Variants in RCC2 observed in about 807,000 individuals in gnomAD.
The protein encoded by RCC2 is protein RCC2.
A neutral mutation model predicts 64.1 loss-of-function variants in RCC2; 19 were observed. The observed-to-expected ratio is 0.30, with a 90% CI of 0.21 to 0.44. The LOEUF is 0.44. RCC2 is among the 20% of genes least tolerant of loss of function. The pLI, the probability that RCC2 is intolerant of heterozygous loss-of-function variation, is 1.00. For synonymous variants in RCC2, 325 were observed against 279.6 expected, an observed-to-expected ratio of 1.16 and a Z score of -1.62; for missense variants, 508 against 710.4, an observed-to-expected ratio of 0.72 and a Z score of 3.24.
At chr1:17,409,826 C>G (rs1048518078) in intron 12 of RCC2, 148 bp downstream of exon 12, 1 of 722,064 alleles carries the variant, frequency 1.4e-6, no homozygotes, top group African/African-American at 1.7e-5. Context: ...TGTTACCTCT[C>G]AAACAAATCT....
chr1:17,425,727 G>A lies in RCC2; in HGVS notation c.380-43C>T, dbSNP rs1023059586. ...ATGCAGATCAGACACCTGGGGTGGTGGGGTGACCTCCAAAATGTCACTGGC... is the reference window on the plus strand; with the variant it reads ...ATGCAGATCAGACACCTGGGGTGGTAGGGTGACCTCCAAAATGTCACTGGC... On this transcript the variant is annotated intron_variant, in intron 3 of 12. Coordinates refer to ENST00000375436, the MANE Select transcript of RCC2 (RefSeq NM_018715.4). 3 of 1,566,334 alleles carry A rather than the reference G, an allele frequency of 1.9e-6. No individual in the cohort carries two copies. The South Asian group carries it at 3.4e-5, about 18-fold the overall frequency.
intron 2 of RCC2, among the ~76,000 whole-genome samples, chr1:17,429,777 G>A (rs1191675555): frequency 1.3e-5 from 2 of 152,168 alleles, no homozygotes; most frequent in Non-Finnish European, 2.9e-5. Flanking sequence ...GTCTGAATCA[G>A]GCGGCCTTTG....
At chr1:17,413,439 G>A in intron 9 of RCC2, 98 bp downstream of exon 9, 2 of 1,234,132 alleles carry the variant, frequency 1.6e-6, no homozygotes, top group Non-Finnish European at 2.3e-6. Context: ...AGAACACTGG[G>A]AGGTAAAGAG....
At chr1:17,415,712 A>AT (rs1491341870) in intron 8 of RCC2, among the ~76,000 whole-genome samples, 1 of 150,312 alleles carries the variant, frequency 6.7e-6, no homozygotes, top group Non-Finnish European at 1.5e-5. Flanking sequence ...TCCGCCTCAA[A>AT]TAAAAAAAAA....
At chr1:17,434,589 G>T (rs2075716676) in intron 2 of RCC2, among the ~76,000 whole-genome samples, 1 of 152,186 alleles carries the variant, frequency 6.6e-6, no homozygotes, top group Non-Finnish European at 1.5e-5. Context: ...GGGGTCATGA[G>T]AACCCCAACT....
chr1:17,420,133 G>A (rs553022936), intron 7 of RCC2, among the ~76,000 whole-genome samples: 39 of 152,290 alleles, frequency 2.6e-4, no homozygotes, highest in Non-Finnish European at 4.3e-4. Context: ...AGGGTCCGAT[G>A]GGAAGGAGAA....
chr1:17,420,009 G>C (rs1278296287), intron 7 of RCC2, among the ~76,000 whole-genome samples: 1 of 152,340 alleles, frequency 6.6e-6, no homozygotes, highest in African/African-American at 2.4e-5. Flanking sequence ...GCGGCTGCAG[G>C]AGCGCGCGCG....
intron 6 of RCC2, among the ~76,000 whole-genome samples, chr1:17,421,083 A>AGT (rs1163132508): frequency 6.6e-6 from 1 of 152,054 alleles, no homozygotes; most frequent in East Asian, 1.9e-4. Context: ...GATCAATAAA[A>AGT]CCAAGTCCCT....
intron 11 of RCC2, among the ~76,000 whole-genome samples, chr1:17,411,776 G>C (rs1052508568): frequency 2.0e-5 from 3 of 152,156 alleles, no homozygotes; most frequent in Non-Finnish European, 2.9e-5. Context: ...ACCCACAACT[G>C]TGAGTTTCCC....
chr1:17,419,856 C>CGAAATGT (rs754880332), intron 7 of RCC2, among the ~76,000 whole-genome samples: 2 of 152,196 alleles, frequency 1.3e-5, no homozygotes, highest in Admixed American at 6.5e-5. Flanking sequence ...GCAACCAACG[C>CGAAATGT]GAAATGTGAA....
intron 7 of RCC2, among the ~76,000 whole-genome samples, chr1:17,418,253 C>T (rs980815404): frequency 9.6e-5 from 14 of 146,546 alleles, no homozygotes; most frequent in Non-Finnish European, 3.0e-5. Context: ...CTCGCTCTGT[C>T]GCCCAGGCTG....
chr1:17,414,614 C>T (rs2075463004), intron 8 of RCC2, among the ~76,000 whole-genome samples: 1 of 151,682 alleles, frequency 6.6e-6, no homozygotes, highest in African/African-American at 2.4e-5. Flanking sequence ...AAAAGGCCTA[C>T]CTGTTCCTGG....
At chr1:17,417,431 G>A (rs2075500029) in intron 7 of RCC2, among the ~76,000 whole-genome samples, 1 of 152,242 alleles carries the variant, frequency 6.6e-6, no homozygotes, top group Non-Finnish European at 1.5e-5. Context: ...ACGTTGGGAG[G>A]CCGAAGTGGG....
intron 1 of RCC2, among the ~76,000 whole-genome samples, chr1:17,439,262 C>G (rs1187643004): frequency 6.6e-6 from 1 of 151,290 alleles, no homozygotes; most frequent in Non-Finnish European, 1.5e-5. Flanking sequence ...CGGCCGGTCT[C>G]CGATTCGACT....
Position 17,422,287 on chromosome 1 carries a change from C to T in RCC2, c.660G>A (p.Thr220=), listed in dbSNP as rs144828726. Reference sequence around the variant, plus strand: ...TTTCCCCAAACGCAAACACGGAGCCCGTTTCTGGAAGAAAGGAAAAATATC... The same window carrying T: ...TTTCCCCAAACGCAAACACGGAGCCTGTTTCTGGAAGAAAGGAAAAATATC... ...GRNHTLALTE[T]GSVFAFGENK... is the part of the protein sequence containing the mutation. The change falls in exon 6 of 13, where the codon ACG becomes ACA. Residue 220 remains threonine (T), a synonymous_variant. Coordinates refer to ENST00000375436, the MANE Select transcript of RCC2 (RefSeq NM_018715.4). The T allele has an allele frequency of 3.4e-4, 553 of 1,610,916 alleles. 1 individual carries two copies. Among genetic ancestry groups the T allele is most frequent in the Admixed American group, 3.3e-4 (20 of 59,898 alleles).
chr1:17,413,326 T>C, intron 9 of RCC2, 148 bp from the exon 10 acceptor site: 2 of 819,556 alleles, frequency 2.4e-6, no homozygotes, highest in Non-Finnish European at 4.0e-6. Flanking sequence ...GGCGTGCCTG[T>C]GCAGTCCTAG....
Position 17,407,232 on chromosome 1 carries a change from A to G in RCC2, c.*1858T>C, listed in dbSNP as rs761026901. The G allele has an allele frequency of 6.6e-6, 1 of 151,892 alleles. No homozygotes were observed. The highest frequency in any genetic ancestry group is 1.5e-5 in the Non-Finnish European group (1 of 67,972). The allele number at this position is 151,892 out of a possible 1,614,324, so 9.4% of individuals were successfully genotyped here. ...AGCTAAGCCCAGGGAGGCTCCTGCA[A>G]AGGCTGGGACCTCGGGTGCTGCGTC... On this transcript the variant is annotated 3_prime_UTR_variant, in exon 13 of 13. Coordinates refer to ENST00000375436, the MANE Select transcript of RCC2 (RefSeq NM_018715.4).
intron 2 of RCC2, among the ~76,000 whole-genome samples, chr1:17,433,564 A>G (rs1227523466): frequency 6.6e-6 from 1 of 152,206 alleles, no homozygotes; most frequent in Non-Finnish European, 1.5e-5. Flanking sequence ...TTGTGTATAA[A>G]GGCCACGCAG....
intron 7 of RCC2, among the ~76,000 whole-genome samples, chr1:17,420,346 T>C (rs139451356): frequency 1.3e-5 from 2 of 152,330 alleles, no homozygotes; most frequent in East Asian, 3.9e-4. Context: ...CAGAACAACG[T>C]TCATTTTCCG....
Sources: allele counts gnomAD v4.1 joint callset (sites outside exome capture counted in the v4.1 genomes callset), GRCh38; gene constraint gnomAD v4.1.1; transcripts MANE v1.5; gene names NCBI Gene and HGNC (gene_info 2026-07-23, HGNC 2026-07-21).